Variants in SPIDR observed in about 807,000 individuals in gnomAD.
The protein encoded by SPIDR is DNA repair-scaffolding protein.
A neutral mutation model predicts 104.6 loss-of-function variants in SPIDR; 93 were observed. The ratio of observed to expected loss-of-function variants is 0.89; its 90% confidence interval spans 0.75 to 1.06. The LOEUF is 1.06. Ranked by LOEUF, SPIDR falls within the 50% of genes least tolerant of loss-of-function variation. The pLI, the probability that SPIDR is intolerant of heterozygous loss-of-function variation, is 0.00. For synonymous variants in SPIDR, 431 were observed against 416.9 expected, an observed-to-expected ratio of 1.03 and a Z score of -0.41; for missense variants, 1,154 against 1,111.2, an observed-to-expected ratio of 1.04 and a Z score of -0.55.
chr8:47,632,166 G>A (rs535308588), intron 10 of SPIDR, among the ~76,000 whole-genome samples: 5 of 152,246 alleles, frequency 3.3e-5, no homozygotes, highest in East Asian at 1.9e-4. Flanking sequence ...AAATATTTAC[G>A]TTTTAATTTA....
chr8:47,512,166 A>G lies in SPIDR; in HGVS notation c.1097+71624A>G, dbSNP rs2082431808. On this transcript the variant is annotated intron_variant, in intron 8 of 19. Transcript: ENST00000297423. ...CCGTCTTCATCCCATGCGCCTCCCCACATCCACTACTTTCTTATCATTTCT... is the reference window on the plus strand; with the variant it reads ...CCGTCTTCATCCCATGCGCCTCCCCGCATCCACTACTTTCTTATCATTTCT... The G allele has an allele frequency of 1.0e-5, 4 of 382,728 alleles. No homozygotes were observed. The East Asian group carries it at 2.3e-4, about 22-fold the overall frequency. The allele number at this position is 382,728 out of a possible 1,614,324, so 23.7% of individuals were successfully genotyped here.
chr8:47,713,109 A>C, intron 15 of SPIDR: 1 of 1,075,720 alleles, frequency 9.3e-7, no homozygotes, highest in Middle Eastern at 3.3e-4. Flanking sequence ...TGCTGGTGGC[A>C]CCCCATACTG....
At chr8:47,422,606 A>C (rs1202977017) in intron 7 of SPIDR, among the ~76,000 whole-genome samples, 1 of 152,182 alleles carries the variant, frequency 6.6e-6, no homozygotes, top group Non-Finnish European at 1.5e-5. Context: ...TTTGTGCTGC[A>C]GCCACTGTCC....
At chr8:47,565,984 A>ATT in intron 8 of SPIDR, among the ~76,000 whole-genome samples, 1 of 38,762 alleles carries the variant, frequency 2.6e-5, no homozygotes, top group Non-Finnish European at 6.4e-5. Flanking sequence ...ATATATATAT[A>ATT]TATATATATT....
chr8:47,653,806 A>G (rs2072144729), intron 10 of SPIDR, among the ~76,000 whole-genome samples: 1 of 152,156 alleles, frequency 6.6e-6, no homozygotes. Flanking sequence ...GGAGAGAGAA[A>G]AGAGCTCCTC....
At chr8:47,441,995 A>G (rs1156329328) in intron 8 of SPIDR, among the ~76,000 whole-genome samples, 2 of 152,058 alleles carry the variant, frequency 1.3e-5, no homozygotes, top group Non-Finnish European at 2.9e-5. Context: ...ATGTAACTGT[A>G]TTTGCACATG....
intron 8 of SPIDR, among the ~76,000 whole-genome samples, chr8:47,546,471 T>C (rs1295348499): frequency 1.3e-5 from 2 of 152,136 alleles, no homozygotes; most frequent in Non-Finnish European, 2.9e-5. Flanking sequence ...TCACTCCAGA[T>C]ATTGGTAATT....
At chr8:47,679,793 A>G (rs1056309904) in intron 11 of SPIDR, among the ~76,000 whole-genome samples, 15 of 152,186 alleles carry the variant, frequency 9.9e-5, no homozygotes, top group Non-Finnish European at 1.8e-4. Flanking sequence ...GCCATATTTC[A>G]CAGTTGCCTG....
intron 5 of SPIDR, among the ~76,000 whole-genome samples, chr8:47,369,008 C>T (rs1220062131): frequency 2.0e-5 from 3 of 152,104 alleles, no homozygotes; most frequent in East Asian, 1.9e-4. Context: ...GTATGTGTTT[C>T]ATAGGCACGT....
intron 8 of SPIDR, among the ~76,000 whole-genome samples, chr8:47,485,599 C>T (rs2077476836): frequency 6.6e-6 from 1 of 152,240 alleles, no homozygotes; most frequent in Non-Finnish European, 1.5e-5. Flanking sequence ...GGGAGGCACC[C>T]CCCAGTAGGG....
chr8:47,660,614 C>A, intron 10 of SPIDR: 1 of 648,672 alleles, frequency 1.5e-6, no homozygotes, highest in Non-Finnish European at 1.9e-6. Context: ...GGGGCAGGGA[C>A]CCGCTGTAGA....
chr8:47,313,360 G>A (rs1179513026), intron 5 of SPIDR, among the ~76,000 whole-genome samples: 9 of 152,112 alleles, frequency 5.9e-5, no homozygotes, highest in South Asian at 2.1e-4. Context: ...TACAAGGGAC[G>A]TGAAGGACCT....
intron 5 of SPIDR, among the ~76,000 whole-genome samples, chr8:47,354,330 C>T (rs955226128): frequency 1.4e-4 from 20 of 148,106 alleles, no homozygotes; most frequent in African/African-American, 4.5e-4. Context: ...TTCTTTATTT[C>T]GTTTGCCATC....
chr8:47,519,000 A>G (rs1314538021), intron 8 of SPIDR, among the ~76,000 whole-genome samples: 1 of 152,134 alleles, frequency 6.6e-6, no homozygotes, highest in Non-Finnish European at 1.5e-5. Context: ...AATTGGTGAA[A>G]CCTTTGAAAG....
intron 8 of SPIDR, among the ~76,000 whole-genome samples, chr8:47,500,910 C>T (rs1196785782): frequency 6.6e-6 from 1 of 152,164 alleles, no homozygotes; most frequent in Non-Finnish European, 1.5e-5. Flanking sequence ...ATCCTTTCCC[C>T]ATTGCTTGTT....
At chr8:47,276,029 G>GT (rs1481224306) in intron 1 of SPIDR, among the ~76,000 whole-genome samples, 1 of 152,018 alleles carries the variant, frequency 6.6e-6, no homozygotes, top group Non-Finnish European at 1.5e-5. Context: ...GCTAATTTTT[G>GT]TATTTCTTTT....
intron 5 of SPIDR, chr8:47,330,966 C>G: frequency 3.0e-6 from 1 of 337,928 alleles, no homozygotes; most frequent in South Asian, 2.3e-5. Context: ...TTTTGCATTC[C>G]CACCAGCAAA....
At chr8:47,284,392 TTTTGTTTG>T (rs782640221) in intron 3 of SPIDR, among the ~76,000 whole-genome samples, 59 of 152,016 alleles carry the variant, frequency 3.9e-4, no homozygotes, top group South Asian at 8.3e-4. Flanking sequence ...AGCTCCAGGG[TTTTGTTTG>T]TTTGTTTGTT....
chr8:47,304,638 C>T (rs955817560), intron 5 of SPIDR, among the ~76,000 whole-genome samples: 40 of 152,292 alleles, frequency 2.6e-4, no homozygotes, highest in Non-Finnish European at 3.8e-4. Flanking sequence ...CCCACTTTGC[C>T]TCCCACCATG....
Sources: gnomAD v4.1 joint callset for allele counts (sites outside exome capture counted in the v4.1 genomes callset) on GRCh38, gnomAD v4.1.1 for gene constraint, MANE v1.5 for transcripts, NCBI Gene and HGNC (gene_info 2026-07-23, HGNC 2026-07-21) for gene names.